The following MYT1L variants were observed in gnomAD, a reference collection of about 807,000 sequenced individuals.
MYT1L encodes myelin transcription factor 1 like, also known as myelin transcription factor 1-like protein.
MYT1L carries 12 observed loss-of-function variants against 126.7 expected under a neutral mutation model. The ratio of observed to expected loss-of-function variants is 0.09; its 90% CI spans 0.06 to 0.15. MYT1L has a LOEUF of 0.15. MYT1L is among the 10% of genes least tolerant of loss of function. The pLI is 1.00. For synonymous variants in MYT1L, 541 were observed against 604.2 expected (o/e 0.90, Z 1.53); for missense variants, 979 against 1,585.2 (o/e 0.62, Z 6.49).
chr2:1,995,257 A>G (rs2061738485), intron 5 of MYT1L, among the ~76,000 whole-genome samples: 1 of 152,076 alleles, frequency 6.6e-6, no homozygotes. Context: ...GCATGTGTGG[A>G]AGAACCCGGA....
intron 3 of MYT1L, among the ~76,000 whole-genome samples, chr2:2,114,875 A>G (rs886642458): frequency 1.1e-4 from 16 of 152,106 alleles, no homozygotes; most frequent in African/African-American, 3.9e-4. Context: ...AGTGATTTTC[A>G]CTCAGTGTCC....
At chr2:2,098,895 T>C (rs903634519) in intron 3 of MYT1L, among the ~76,000 whole-genome samples, 1 of 152,170 alleles carries the variant, frequency 6.6e-6, no homozygotes, top group Non-Finnish European at 1.5e-5. Context: ...GCAGTGACCA[T>C]CCTGGGAGCT....
At chr2:1,949,477 G>A (rs938621791) in intron 8 of MYT1L, among the ~76,000 whole-genome samples, 6 of 152,052 alleles carry the variant, frequency 3.9e-5, no homozygotes, top group South Asian at 2.1e-4. Context: ...TGGTTAACTC[G>A]GTGTCAACAA....
intron 1 of MYT1L, among the ~76,000 whole-genome samples, chr2:2,288,996 C>T (rs1256760446): frequency 2.0e-5 from 3 of 152,242 alleles, no homozygotes; most frequent in Non-Finnish European, 4.4e-5. Flanking sequence ...ATATAAGCCA[C>T]AGGCTTGCAT....
At position 1,949,417 on chromosome 2, in the gene MYT1L, C is replaced by T. The variant is rs79891553; in HGVS notation, c.153-6083G>A. On this transcript the variant is annotated intron_variant, in intron 8 of 24. Transcript: ENST00000647738. ...CTGGGCCATGCCTCCTGGGCCCATG[C>T]GGATGCCTCACGATGTCTTTTTGCT... is the stretch of plus-strand genomic sequence containing the variant. Among the ~76,000 whole-genome samples, 42 of 152,208 alleles carry T rather than the reference C, an allele frequency of 2.8e-4. No homozygotes were observed. The East Asian group carries it at 7.4e-3, about 27-fold the overall frequency.
At chr2:2,295,787 CAGACAGAGAGAGAGAGAGAGAGAG>C (rs1280500875) in intron 1 of MYT1L, among the ~76,000 whole-genome samples, 1 of 118,620 alleles carries the variant, frequency 8.4e-6, no homozygotes, top group African/African-American at 3.1e-5. Flanking sequence ...GATAGAGAGA[CAGACAGAGAGAGAGAGAGAGAGAG>C]AGACAGAGGA....
chr2:2,121,265 G>A (rs2080965851), intron 3 of MYT1L, among the ~76,000 whole-genome samples: 3 of 152,112 alleles, frequency 2.0e-5, no homozygotes, highest in East Asian at 1.9e-4. Context: ...TCCACCTCCC[G>A]GGTCCGGGTT....
chr2:2,305,521 C>T (rs535748461), intron 1 of MYT1L, among the ~76,000 whole-genome samples: 1 of 152,360 alleles, frequency 6.6e-6, no homozygotes, highest in African/African-American at 2.4e-5. Flanking sequence ...TTCACTGAGA[C>T]TGCCCTGCTA....
chr2:2,004,722 T>C (rs2062979555), intron 4 of MYT1L, among the ~76,000 whole-genome samples: 2 of 144,066 alleles, frequency 1.4e-5, no homozygotes, highest in African/African-American at 2.7e-5. Flanking sequence ...CTGCGTGCCT[T>C]CTTTCCTGCG....
At chr2:2,232,758 T>C (rs1218709381) in intron 2 of MYT1L, among the ~76,000 whole-genome samples, 1 of 152,160 alleles carries the variant, frequency 6.6e-6, no homozygotes, top group African/African-American at 2.4e-5. Context: ...GAAGGCAGTG[T>C]GGAGCAATGA....
chr2:2,271,788 A>G (rs531465612), intron 2 of MYT1L, among the ~76,000 whole-genome samples: 6 of 152,266 alleles, frequency 3.9e-5, no homozygotes, highest in African/African-American at 1.4e-4. Context: ...CTCCCTGGAC[A>G]AGGATGCCAT....
At chr2:2,266,034 G>C (rs34053058) in intron 2 of MYT1L, among the ~76,000 whole-genome samples, 2 of 152,198 alleles carry the variant, frequency 1.3e-5, no homozygotes, top group African/African-American at 4.8e-5. Context: ...GCAATCAGCA[G>C]CTGGGCAAAT....
intron 21 of MYT1L, among the ~76,000 whole-genome samples, chr2:1,831,221 C>A (rs996011647): frequency 1.0e-4 from 15 of 149,794 alleles, no homozygotes; most frequent in Admixed American, 2.6e-4. Context: ...TGGCTCCCCC[C>A]AGATGGAGCT....
At chr2:2,280,703 C>A (rs1368439731) in intron 2 of MYT1L, among the ~76,000 whole-genome samples, 1 of 152,196 alleles carries the variant, frequency 6.6e-6, no homozygotes, top group Non-Finnish European at 1.5e-5. Context: ...GCGCGTGCAG[C>A]ATTGCAGCAG....
At chr2:1,877,707 G>A (rs1462937373) in intron 18 of MYT1L, among the ~76,000 whole-genome samples, 1 of 151,992 alleles carries the variant, frequency 6.6e-6, no homozygotes, top group Non-Finnish European at 1.5e-5. Context: ...GGCCATGGCT[G>A]TGAGCAGTTC....
In MYT1L at chr2:1,790,695, G is replaced by C. The variant is rs1020645846; in HGVS notation, c.*1172C>G. 1 of 154,660 alleles carries C rather than the reference G, an allele frequency of 6.5e-6. No homozygotes were observed. Among genetic ancestry groups the C allele is most frequent in the African/African-American group, 2.4e-5 (1 of 41,412 alleles). 9.6% of individuals were successfully genotyped at this position (154,660 alleles called of 1,614,324 possible). Reference sequence around the variant, plus strand: ...CTGATTCAGAGTCAAAGTCGGGCGGGGGGAGCAGGAGGGAAACTTTACCGA... The same window carrying C: ...CTGATTCAGAGTCAAAGTCGGGCGGCGGGAGCAGGAGGGAAACTTTACCGA... On this transcript the variant is annotated 3_prime_UTR_variant, in exon 25 of 25. Coordinates refer to ENST00000647738, the MANE Select transcript of MYT1L (RefSeq NM_001303052.2).
chr2:2,249,699 T>C (rs1200624474), intron 2 of MYT1L, among the ~76,000 whole-genome samples: 2 of 152,090 alleles, frequency 1.3e-5, no homozygotes, highest in Admixed American at 1.3e-4. Flanking sequence ...TAAAAAAGCT[T>C]CTTCACAGCA....
At chr2:1,856,060 A>C (rs1376239049) in intron 18 of MYT1L, among the ~76,000 whole-genome samples, 1 of 152,230 alleles carries the variant, frequency 6.6e-6, no homozygotes, top group Non-Finnish European at 1.5e-5. Flanking sequence ...TGCAGAATTC[A>C]GGCGAATTCT....
chr2:2,310,206 A>G (rs975021122), intron 1 of MYT1L, among the ~76,000 whole-genome samples: 2 of 151,724 alleles, frequency 1.3e-5, no homozygotes, highest in African/African-American at 4.9e-5. Flanking sequence ...ACATTGGTAT[A>G]CTGTACCCAT....
Sources: gnomAD v4.1 joint callset for allele counts (sites outside exome capture counted in the v4.1 genomes callset) on GRCh38, gnomAD v4.1.1 for gene constraint, MANE v1.5 for transcripts, NCBI Gene and HGNC (gene_info 2026-07-23, HGNC 2026-07-21) for gene names.